Variants in CAST observed in about 807,000 individuals in gnomAD.
CAST encodes calpastatin.
A neutral mutation model predicts 119.6 loss-of-function variants in CAST; 76 were observed. The ratio of observed to expected loss-of-function variants is 0.64; its 90% CI spans 0.53 to 0.77. The LOEUF is 0.77. Ranked by LOEUF, CAST falls within the 30% of genes least tolerant of loss-of-function variation. The probability of loss-of-function intolerance (pLI) is 0.00; values close to 1 mark genes in which losing one functional copy is unlikely to be tolerated. For synonymous variants in CAST, 319 were observed against 331.6 expected, an observed-to-expected ratio of 0.96 and a Z score of 0.41; for missense variants, 953 against 946.5, an observed-to-expected ratio of 1.01 and a Z score of -0.09.
At chr5:96,439,878 C>T in the CAST span, among the ~76,000 whole-genome samples, 1 of 152,032 alleles carries the variant, frequency 6.6e-6, no homozygotes, top group Non-Finnish European at 1.5e-5. Flanking sequence ...AACAATTGTC[C>T]CTAATTATGG....
the CAST span, among the ~76,000 whole-genome samples, chr5:96,062,576 A>G: frequency 6.6e-6 from 1 of 152,150 alleles, no homozygotes; most frequent in African/African-American, 2.4e-5. Context: ...TAACAGTCCT[A>G]TGAAACTTTA....
chr5:96,495,439 C>T, the CAST span, among the ~76,000 whole-genome samples: 1 of 152,094 alleles, frequency 6.6e-6, no homozygotes, highest in Non-Finnish European at 1.5e-5. Flanking sequence ...CCCCAATAGG[C>T]CCTGATGTGT....
chr5:96,445,339 G>T, the CAST span, among the ~76,000 whole-genome samples: 1 of 152,174 alleles, frequency 6.6e-6, no homozygotes, highest in African/African-American at 2.4e-5. Context: ...GGCTGAGGTG[G>T]GAGGATGGCA....
chr5:96,421,459 G>A, the CAST span, among the ~76,000 whole-genome samples: 118 of 152,286 alleles, frequency 7.7e-4, no homozygotes, highest in Middle Eastern at 3.4e-3. Flanking sequence ...TGTAGCCACC[G>A]TCAGAAGTTG....
chr5:96,318,460 C>G, the CAST span: 1 of 152,208 alleles, frequency 6.6e-6, no homozygotes, highest in Admixed American at 6.5e-5. Flanking sequence ...TAATTTTATT[C>G]TTGCTCCCAC....
chr5:96,476,186 C>T, the CAST span, among the ~76,000 whole-genome samples: 6 of 152,146 alleles, frequency 3.9e-5, no homozygotes, highest in South Asian at 4.1e-4. Flanking sequence ...GTTCAGCCAT[C>T]GAAAATAAAG....
chr5:96,367,209 C>A, the CAST span, among the ~76,000 whole-genome samples: 46,605 of 152,036 alleles, frequency 0.31, 7,867 homozygotes, highest in Admixed American at 0.42. Flanking sequence ...GGGTACCCGG[C>A]CATGTGAGGT....
At chr5:96,061,828 A>T in the CAST span, among the ~76,000 whole-genome samples, 1 of 152,112 alleles carries the variant, frequency 6.6e-6, no homozygotes, top group Non-Finnish European at 1.5e-5. Context: ...GTAAGCCCTT[A>T]GTGTGAAGAT....
intron 25 of CAST, among the ~76,000 whole-genome samples, chr5:96,764,819 GT>G (rs1443780228): frequency 6.6e-6 from 1 of 152,094 alleles, no homozygotes; most frequent in African/African-American, 2.4e-5. Context: ...TTCATATCCA[GT>G]TTTCTAATGG....
chr5:96,497,809 GT>G, the CAST span, among the ~76,000 whole-genome samples: 1 of 152,150 alleles, frequency 6.6e-6, no homozygotes, highest in Non-Finnish European at 1.5e-5. Flanking sequence ...CCTTCTGCAG[GT>G]TGCCTGTTCA....
chr5:96,507,912 C>T, the CAST span, among the ~76,000 whole-genome samples: 1 of 152,136 alleles, frequency 6.6e-6, no homozygotes, highest in Admixed American at 6.5e-5. Context: ...TAACACACAT[C>T]TAAATTCTCA....
the CAST span, among the ~76,000 whole-genome samples, chr5:96,365,780 T>C: frequency 6.6e-6 from 1 of 152,226 alleles, no homozygotes; most frequent in Non-Finnish European, 1.5e-5. Context: ...CTTTATCCAA[T>C]TTGCCAGTCT....
the CAST span, among the ~76,000 whole-genome samples, chr5:96,180,310 A>G: frequency 6.6e-6 from 1 of 152,256 alleles, no homozygotes; most frequent in African/African-American, 2.4e-5. Flanking sequence ...TAGGATTTAC[A>G]TAAGAATATT....
the CAST span, among the ~76,000 whole-genome samples, chr5:96,027,845 A>G: frequency 1.3e-5 from 2 of 152,146 alleles, no homozygotes; most frequent in African/African-American, 2.4e-5. Context: ...ATTTATATCA[A>G]CTTCATAACC....
chr5:96,405,843 A>G, the CAST span, among the ~76,000 whole-genome samples: 1 of 152,232 alleles, frequency 6.6e-6, no homozygotes, highest in African/African-American at 2.4e-5. Context: ...TATATTGGTC[A>G]CTATACAAGG....
At chr5:96,137,545 A>C in the CAST span, among the ~76,000 whole-genome samples, 1 of 152,108 alleles carries the variant, frequency 6.6e-6, no homozygotes, top group East Asian at 1.9e-4. Context: ...ATCAGATCAT[A>C]TGGTAAGACC....
At chr5:96,046,725 T>C in the CAST span, among the ~76,000 whole-genome samples, 1 of 152,200 alleles carries the variant, frequency 6.6e-6, no homozygotes, top group Non-Finnish European at 1.5e-5. Flanking sequence ...GATAAAGACA[T>C]ACCTGAGACT....
chr5:96,071,101 C>T, the CAST span, among the ~76,000 whole-genome samples: 121 of 152,184 alleles, frequency 8.0e-4, no homozygotes, highest in Non-Finnish European at 1.4e-3. Context: ...GCCAAGATCA[C>T]GACCCATTTA....
intron 3 of CAST, among the ~76,000 whole-genome samples, chr5:96,721,759 G>A (rs1310912449): frequency 6.6e-6 from 1 of 152,142 alleles, no homozygotes; most frequent in Non-Finnish European, 1.5e-5. Flanking sequence ...TGTAATACAA[G>A]TTAAGTACTA....
Sources: allele counts gnomAD v4.1 joint callset (sites outside exome capture counted in the v4.1 genomes callset), GRCh38; gene constraint gnomAD v4.1.1; transcripts MANE v1.5; gene names NCBI Gene and HGNC (gene_info 2026-07-23, HGNC 2026-07-21).